METAP1D: variants seen among roughly 807,000 people sequenced by gnomAD.
METAP1D encodes the protein methionine aminopeptidase 1D, mitochondrial.
In METAP1D, 31 loss-of-function variants were observed where a neutral mutation model predicts 40.5. The observed-to-expected ratio is 0.77, with a 90% CI of 0.58 to 1.03. The LOEUF (loss-of-function observed/expected upper bound fraction) is 1.03, where lower values mean the gene tolerates loss of function less well. METAP1D is among the 50% of genes least tolerant of loss of function. The probability of loss-of-function intolerance (pLI) is 0.00; values close to 1 mark genes in which losing one functional copy is unlikely to be tolerated. For missense variants in METAP1D, 411 were observed against 420.7 expected, an observed-to-expected ratio of 0.98 and a Z score of 0.20; for synonymous variants, 151 against 146.4, an observed-to-expected ratio of 1.03 and a Z score of -0.22.
At chr2:172,008,313 A>C (rs768586234) in intron 1 of METAP1D, among the ~76,000 whole-genome samples, 1 of 152,196 alleles carries the variant, frequency 6.6e-6, no homozygotes, top group Non-Finnish European at 1.5e-5. Context: ...ACAAATGACA[A>C]TATTTTAATT....
At chr2:172,077,584 T>G (rs924026530) in intron 6 of METAP1D, among the ~76,000 whole-genome samples, 8 of 152,250 alleles carry the variant, frequency 5.3e-5, no homozygotes, top group African/African-American at 1.9e-4. Context: ...GATATGTACC[T>G]TCTCTCTTCA....
intron 5 of METAP1D, among the ~76,000 whole-genome samples, chr2:172,067,406 T>C (rs1008347095): frequency 6.6e-6 from 1 of 152,238 alleles, no homozygotes; most frequent in South Asian, 2.1e-4. Flanking sequence ...TATGAGGAGA[T>C]AGCCAACGAT....
intron 8 of METAP1D, 31 bp downstream of exon 8, chr2:172,079,293 G>T: frequency 6.2e-7 from 1 of 1,610,984 alleles, no homozygotes; most frequent in Non-Finnish European, 8.5e-7. Flanking sequence ...GAGTGAGTGC[G>T]TAGCTCCTGG....
intron 6 of METAP1D, among the ~76,000 whole-genome samples, chr2:172,072,694 ACT>A (rs1283117216): frequency 1.3e-5 from 2 of 150,116 alleles, no homozygotes; most frequent in African/African-American, 4.9e-5. Flanking sequence ...TTCCATTTTT[ACT>A]CTCTGTACTT....
intron 1 of METAP1D, among the ~76,000 whole-genome samples, chr2:172,038,934 C>G (rs1689454740): frequency 6.6e-6 from 1 of 152,188 alleles, no homozygotes; most frequent in African/African-American, 2.4e-5. Context: ...ATCATCTAGT[C>G]ACGCCAATGG....
chr2:172,010,494 T>C (rs1338375908), intron 1 of METAP1D, among the ~76,000 whole-genome samples: 1 of 34,546 alleles, frequency 2.9e-5, no homozygotes, highest in Non-Finnish European at 8.7e-5. Flanking sequence ...TTCTTTCCTC[T>C]TTTTTTTTTT....
At chr2:172,040,794 T>A (rs1035167298) in intron 1 of METAP1D, among the ~76,000 whole-genome samples, 1 of 136,832 alleles carries the variant, frequency 7.3e-6, no homozygotes, top group African/African-American at 2.8e-5. Flanking sequence ...TCTCCCAGGT[T>A]AGAGTGCAGT....
intron 7 of METAP1D, among the ~76,000 whole-genome samples, chr2:172,078,177 A>G (rs573151862): frequency 4.6e-5 from 7 of 152,326 alleles, no homozygotes; most frequent in South Asian, 2.1e-4. Flanking sequence ...ATATTTGTGT[A>G]GAAAAAGTTA....
At chr2:172,016,300 A>ATAT (rs1374272640) in intron 1 of METAP1D, among the ~76,000 whole-genome samples, 21 of 40,048 alleles carry the variant, frequency 5.2e-4, no homozygotes, top group Non-Finnish European at 7.8e-4. Context: ...AAAAAAAAAA[A>ATAT]ATATATATAT....
chr2:172,055,942 C>A (rs1414095240), intron 1 of METAP1D, among the ~76,000 whole-genome samples: 2 of 152,130 alleles, frequency 1.3e-5, no homozygotes, highest in Non-Finnish European at 2.9e-5. Flanking sequence ...ACCTTGGCAA[C>A]ACTGTTCATC....
At chr2:172,079,707 G>A (rs1414143789) in intron 8 of METAP1D, among the ~76,000 whole-genome samples, 1 of 152,152 alleles carries the variant, frequency 6.6e-6, no homozygotes, top group Non-Finnish European at 1.5e-5. Context: ...TAATGGAGAA[G>A]CAATTAGAGT....
intron 1 of METAP1D, among the ~76,000 whole-genome samples, chr2:172,025,778 C>T (rs571051495): frequency 6.6e-6 from 1 of 152,222 alleles, no homozygotes; most frequent in East Asian, 1.9e-4. Flanking sequence ...ACAGTCAGCT[C>T]AGTGCATCCT....
intron 1 of METAP1D, among the ~76,000 whole-genome samples, chr2:172,031,671 T>G (rs1283466658): frequency 6.6e-6 from 1 of 152,220 alleles, no homozygotes; most frequent in Non-Finnish European, 1.5e-5. Flanking sequence ...GATGGGTTTT[T>G]GGCAAGAATA....
At chr2:172,033,207 T>C (rs1009375544) in intron 1 of METAP1D, among the ~76,000 whole-genome samples, 4 of 151,222 alleles carry the variant, frequency 2.6e-5, no homozygotes, top group Non-Finnish European at 5.9e-5. Context: ...AGTTACAGAA[T>C]GTGAGAAGTG....
rs180674436 is a variant in METAP1D at position 172,068,204 on chromosome 2, T to C, written c.540+1898T>C. On this transcript the variant is annotated intron_variant, in intron 5 of 9. Transcript: ENST00000315796. ...TTCAAGACCAGCCTGGCCAACATGG[T>C]GAAATCCCATCTCTACTAAAAATAC... 3.9e-3 allele frequency among the ~76,000 whole-genome samples: 589 copies of C among 152,100 alleles called. 7 individuals are homozygous for C. The highest frequency in any genetic ancestry group is 0.013 in the African/African-American group (544 of 41,486).
Position 172,066,239 on chromosome 2 carries a change from AT to A in METAP1D, c.498-16del, listed in dbSNP as rs562211136. On this transcript the variant is annotated intron_variant, in intron 4 of 9. Transcript: ENST00000315796. The stretch of plus-strand genomic sequence containing the variant: ...CTTTTATTGAGATCTGTCTATCACC[AT>A]TTTTTTTTCTGTTTACGTTTTAGTC... The A allele has an allele frequency of 9.9e-5, 155 of 1,568,730 alleles. 1 individual carries two copies. The highest frequency in any genetic ancestry group is 2.1e-4 in the Admixed American group (12 of 58,004).
intron 1 of METAP1D, among the ~76,000 whole-genome samples, chr2:172,041,727 TATATATATATATATATATA>T (rs1434406543): frequency 0.04 from 118 of 2,946 alleles, 34 homozygotes; most frequent in Non-Finnish European, 0.044. Flanking sequence ...CTAATTATTT[TATATATATATATATATATA>T]TATATATATA....
At position 172,032,439 on chromosome 2, in the gene METAP1D, A is replaced by T. The variant is rs116084106; in HGVS notation, c.41-29059A>T. ...AGATAGATACTTTATGTAATCTCTG[A>T]TTAGGAACACTGAATTTGTTGTTGA... is the stretch of plus-strand genomic sequence containing the variant. On this transcript the variant is annotated intron_variant, in intron 1 of 9. Coordinates refer to ENST00000315796, the MANE Select transcript of METAP1D (RefSeq NM_199227.3). 9.0e-4 allele frequency among the ~76,000 whole-genome samples: 137 copies of T among 152,320 alleles called. 1 individual carries two copies. The highest frequency in any genetic ancestry group is 1.7e-3 in the Non-Finnish European group (117 of 68,032).
chr2:172,063,843 G>A lies in METAP1D; in HGVS notation c.331G>A (p.Ala111Thr), dbSNP rs780901088. 1.9e-6 allele frequency: 3 copies of A among 1,612,496 alleles called. No individual in the cohort carries two copies. Among genetic ancestry groups the A allele is most frequent in the African/African-American group, 2.7e-5 (2 of 74,896 alleles). The change falls in exon 3 of 10, where the codon GCT (alanine) becomes ACT (threonine). Residue 111 changes from alanine to threonine, a missense_variant. Physicochemically the swap from Ala to Thr is moderately conservative, Grantham distance 58 (BLOSUM62 0). Coordinates refer to ENST00000315796, the MANE Select transcript of METAP1D (RefSeq NM_199227.3). ...GCTGGCCCGCCACGTCCTCCTCTTG[G>A]CTGGGAAGAGTTTAAAGGTGGCGTC... ...CQLARHVLLL[A>T]GKSLKVDMTT...
Sources: gnomAD v4.1 joint callset for allele counts (sites outside exome capture counted in the v4.1 genomes callset) on GRCh38, gnomAD v4.1.1 for gene constraint, MANE v1.5 for transcripts, NCBI Gene and HGNC (gene_info 2026-07-23, HGNC 2026-07-21) for gene names.